DAP3: variants seen among roughly 807,000 people sequenced by gnomAD.
The protein encoded by DAP3 is death associated protein 3.
In DAP3, 28 loss-of-function variants were observed where a neutral mutation model predicts 51.9. That is an observed-to-expected ratio of 0.54 (90% CI 0.40 to 0.74). DAP3 has a LOEUF of 0.74. DAP3 is among the 30% of genes least tolerant of loss of function. DAP3 has a pLI of 0.00. For missense variants in DAP3, 458 were observed against 483.5 expected, an observed-to-expected ratio of 0.95 and a Z score of 0.49; for synonymous variants, 170 against 170.3, an observed-to-expected ratio of 1.00 and a Z score of 0.01.
intron 1 of DAP3, among the ~76,000 whole-genome samples, chr1:155,701,942 G>A (rs942784356): frequency 1.0e-4 from 15 of 150,552 alleles, no homozygotes; most frequent in Non-Finnish European, 1.5e-4. Flanking sequence ...CAGAACTCAT[G>A]GAGGGAAGTA....
At chr1:155,690,266 A>G (rs1034519838) in intron 1 of DAP3, among the ~76,000 whole-genome samples, 1 of 141,762 alleles carries the variant, frequency 7.1e-6, no homozygotes, top group South Asian at 2.1e-4. Flanking sequence ...GAAAGAAGAC[A>G]TTAGGCTGGG....
intron 11 of DAP3, among the ~76,000 whole-genome samples, chr1:155,732,894 C>T (rs1394687665): frequency 6.6e-6 from 1 of 152,080 alleles, no homozygotes; most frequent in African/African-American, 2.4e-5. Flanking sequence ...CGTCGTGGCG[C>T]GTGGCTGTAA....
At chr1:155,721,400 G>GTGTATATATATATGTATGTATGTA (rs1557786245) in intron 3 of DAP3, 117 bp from the exon 4 acceptor site, 9 of 436,070 alleles carry the variant, frequency 2.1e-5, no homozygotes, top group African/African-American at 1.0e-4. Context: ...ATGTATGTAT[G>GTGTATATATATATGTATGTATGTA]TATATATATA....
At chr1:155,731,881 G>C in intron 10 of DAP3, 63 bp from the exon 11 acceptor site, 4 of 1,479,568 alleles carry the variant, frequency 2.7e-6, no homozygotes, top group Non-Finnish European at 3.6e-6. Context: ...ATCTACAGAT[G>C]ATTAATGCAG....
At chr1:155,698,770 T>C (rs1235899575) in intron 1 of DAP3, among the ~76,000 whole-genome samples, 2 of 152,208 alleles carry the variant, frequency 1.3e-5, no homozygotes, top group African/African-American at 4.8e-5. Flanking sequence ...CCACTACGCT[T>C]CAAGAGCTGC....
upstream of DAP3, chr1:155,688,685 T>A: frequency 7.2e-6 from 11 of 1,529,216 alleles, 1 homozygote; most frequent in South Asian, 9.6e-5. Context: ...CCAAGCCTTC[T>A]CCACCTCCTC....
chr1:155,705,106 A>G (rs1326993611), intron 1 of DAP3, among the ~76,000 whole-genome samples: 4 of 147,360 alleles, frequency 2.7e-5, no homozygotes, highest in Non-Finnish European at 4.5e-5. Flanking sequence ...ATCGCTGGCA[A>G]CATAATGAGA....
At chr1:155,717,403 G>A (rs949527045) in intron 3 of DAP3, among the ~76,000 whole-genome samples, 3 of 152,026 alleles carry the variant, frequency 2.0e-5, no homozygotes, top group Non-Finnish European at 2.9e-5. Context: ...TAGAGTTGTC[G>A]AATACTCAAT....
chr1:155,730,734 C>G (rs1659155348), intron 9 of DAP3, among the ~76,000 whole-genome samples: 3 of 152,164 alleles, frequency 2.0e-5, no homozygotes, highest in Admixed American at 2.0e-4. Flanking sequence ...AGAATGACAG[C>G]AGAAGCTATG....
intron 1 of DAP3, among the ~76,000 whole-genome samples, chr1:155,696,759 C>T (rs1654564286): frequency 6.6e-6 from 1 of 152,250 alleles, no homozygotes; most frequent in Admixed American, 6.5e-5. Context: ...AACTGTTTAA[C>T]ATACCTTGGG....
chr1:155,720,324 C>CAAAAAAAA (rs61252469), intron 3 of DAP3, among the ~76,000 whole-genome samples: 7 of 32,808 alleles, frequency 2.1e-4, no homozygotes, highest in African/African-American at 5.2e-4. Flanking sequence ...GATCTTGTCT[C>CAAAAAAAA]AAAAAAAAAA....
At chr1:155,707,015 C>T (rs1321818082) in intron 1 of DAP3, among the ~76,000 whole-genome samples, 1 of 151,904 alleles carries the variant, frequency 6.6e-6, no homozygotes, top group Non-Finnish European at 1.5e-5. Context: ...CGCTTTAACC[C>T]GGGAGGTGGA....
Position 155,726,043 on chromosome 1 carries a change from C to T in DAP3, c.472+24C>T, listed in dbSNP as rs187801233. 87 of 1,593,584 alleles carry T rather than the reference C, an allele frequency of 5.5e-5. No homozygotes were observed. The Middle Eastern group carries it at 1.2e-3, about 21-fold the overall frequency. On this transcript the variant is annotated intron_variant, in intron 6 of 12. Transcript: ENST00000368336. The stretch of plus-strand genomic sequence containing the variant: ...TGGTAAGAACTTCCTGTTGTTTCTT[C>T]TGTCTGTTAGGTTTAGTTATCCTGT...
chr1:155,711,272 C>T (rs1023973087), intron 2 of DAP3, among the ~76,000 whole-genome samples: 1 of 152,188 alleles, frequency 6.6e-6, no homozygotes, highest in African/African-American at 2.4e-5. Flanking sequence ...GCAGGCAGAT[C>T]ACCTGAGGTC....
chr1:155,705,747 C>G lies in DAP3; in HGVS notation c.-7-4026C>G, dbSNP rs138075874. Among the ~76,000 whole-genome samples, 73 of 152,004 alleles carry G rather than the reference C, an allele frequency of 4.8e-4. 1 individual carries two copies. In the East Asian group the frequency reaches 7.9e-3, roughly 16 times the overall value. ...ATGGAGTCTTGCTCTGTCACCCAGGCTGGCATGCAATGGCGCAATCTCAGC... is the reference window on the plus strand; with the variant it reads ...ATGGAGTCTTGCTCTGTCACCCAGGGTGGCATGCAATGGCGCAATCTCAGC... On this transcript the variant is annotated intron_variant, in intron 1 of 12. Coordinates refer to ENST00000368336, the MANE Select transcript of DAP3 (RefSeq NM_004632.4).
rs1440910600 is a variant in DAP3, at chr1:155,725,475, A to G, written c.364A>G (p.Ile122Val). The G allele has an allele frequency of 2.5e-6, 4 of 1,613,998 alleles. No individual in the cohort carries two copies. Among genetic ancestry groups the G allele is most frequent in the South Asian group, 2.2e-5 (2 of 91,088 alleles). Residue 122 changes from isoleucine (I) to valine (V), a missense_variant, in exon 5 of 13, where the codon ATA (isoleucine) becomes GTA (valine). By Grantham distance (29) the Ile-to-Val change is conservative (BLOSUM62 3). Coordinates refer to ENST00000368336, the MANE Select transcript of DAP3 (RefSeq NM_004632.4). Reference protein sequence around the residue: ...LKNTSFAYPAIRYLLYGEKGT... With the variant: ...LKNTSFAYPAVRYLLYGEKGT... ...AAACACCAGTTTTGCTTATCCAGCT[A>G]TACGATATCTTCTGTGTATCCTTTC... is the stretch of plus-strand genomic sequence containing the variant.
intron 9 of DAP3, 74 bp from the exon 10 acceptor site, chr1:155,731,279 ATTG>A: frequency 6.9e-7 from 1 of 1,459,454 alleles, no homozygotes; most frequent in African/African-American, 1.4e-5. Context: ...AAAAAAAAAA[ATTG>A]TTGTCAATTG....
At chr1:155,725,733 G>A (rs1038619367) in intron 5 of DAP3, among the ~76,000 whole-genome samples, 194 bp from the exon 6 acceptor site, 3 of 152,078 alleles carry the variant, frequency 2.0e-5, no homozygotes, top group Admixed American at 6.6e-5. Context: ...GTGTGGTAGC[G>A]TGCACCTGTA....
intron 11 of DAP3, chr1:155,736,637 G>C: frequency 3.0e-6 from 1 of 335,804 alleles, no homozygotes; most frequent in Non-Finnish European, 5.5e-6. Flanking sequence ...GGCTCGTCTG[G>C]AACTCCTGGG....
Sources: allele counts gnomAD v4.1 joint callset (sites outside exome capture counted in the v4.1 genomes callset), GRCh38; gene constraint gnomAD v4.1.1; transcripts MANE v1.5; gene names NCBI Gene and HGNC (gene_info 2026-07-23, HGNC 2026-07-21).